The following MTMR3 variants were observed in gnomAD, a reference collection of about 807,000 sequenced individuals.
MTMR3 encodes the protein phosphatidylinositol-3,5-bisphosphate 3-phosphatase MTMR3.
A neutral mutation model predicts 132.4 loss-of-function variants in MTMR3; 32 were observed. That is an observed-to-expected ratio of 0.24 (90% confidence interval 0.18 to 0.32). The LOEUF (loss-of-function observed/expected upper bound fraction) is 0.32, where lower values mean the gene tolerates loss of function less well. MTMR3 is among the 10% of genes least tolerant of loss of function. The pLI is 1.00. For missense variants in MTMR3, 1,216 were observed against 1,489.6 expected, an observed-to-expected ratio of 0.82 and a Z score of 3.02; for synonymous variants, 556 against 550.3, an observed-to-expected ratio of 1.01 and a Z score of -0.14.
chr22:30,008,044 G>C lies in MTMR3; in HGVS notation c.1009+12G>C, dbSNP rs1375548328. On this transcript the variant is annotated intron_variant, in intron 11 of 19. Coordinates refer to ENST00000401950, the MANE Select transcript of MTMR3 (RefSeq NM_021090.4). The stretch of plus-strand genomic sequence containing the variant: ...CTGCGAATGCCCAGGTGAGGTGTAT[G>C]GTGCTTTGTTCCCCATACTTTCTCC... 2.5e-6 allele frequency: 4 copies of C among 1,611,686 alleles called. No individual in the cohort carries two copies. Among genetic ancestry groups the C allele is most frequent in the Non-Finnish European group, 3.4e-6 (4 of 1,179,434 alleles).
chr22:29,944,469 T>C (rs910165140), intron 1 of MTMR3, among the ~76,000 whole-genome samples: 1 of 152,130 alleles, frequency 6.6e-6, no homozygotes, highest in African/African-American at 2.4e-5. Flanking sequence ...CTTTTACTTT[T>C]GTCTTTTCTT....
intron 1 of MTMR3, among the ~76,000 whole-genome samples, chr22:29,906,923 C>T (rs1306777864): frequency 6.6e-6 from 1 of 151,378 alleles, no homozygotes; most frequent in African/African-American, 2.4e-5. Context: ...ACTAAAAACA[C>T]AAAAATTAGC....
chr22:30,019,136 G>A (rs1005250668), intron 16 of MTMR3: 7 of 186,018 alleles, frequency 3.8e-5, no homozygotes, highest in Middle Eastern at 2.6e-3. Flanking sequence ...CCTGGGAGGC[G>A]GAGGTTGCAG....
At chr22:29,897,942 A>G (rs1188898785) in intron 1 of MTMR3, among the ~76,000 whole-genome samples, 1 of 152,182 alleles carries the variant, frequency 6.6e-6, no homozygotes, top group African/African-American at 2.4e-5. Flanking sequence ...CATACTTTCT[A>G]TAATTTGAAA....
chr22:29,960,615 C>T (rs930613403), intron 2 of MTMR3, among the ~76,000 whole-genome samples: 1 of 152,100 alleles, frequency 6.6e-6, no homozygotes, highest in Non-Finnish European at 1.5e-5. Context: ...TTATTACATG[C>T]CAGTAACTAT....
Position 30,007,031 on chromosome 22 carries a change from C to CA in MTMR3, c.672-82dup, listed in dbSNP as rs767964952. 2.8e-6 allele frequency: 4 copies of CA among 1,439,324 alleles called. No homozygotes were observed. The South Asian group carries it at 5.0e-5, about 18-fold the overall frequency. 89.2% of individuals were successfully genotyped at this position (1,439,324 alleles called of 1,614,324 possible). On this transcript the variant is annotated intron_variant, in intron 9 of 19. Coordinates refer to ENST00000401950, the MANE Select transcript of MTMR3 (RefSeq NM_021090.4). ...AACACTTACCTAGAATTAGACTGTT[C>CA]ATTAAGGCACTTAAAATCTATTTTG...
chr22:29,956,030 G>T (rs2066183329), intron 1 of MTMR3, among the ~76,000 whole-genome samples: 1 of 152,132 alleles, frequency 6.6e-6, no homozygotes, highest in Non-Finnish European at 1.5e-5. Context: ...GGGATTACAG[G>T]CATGAGCCAC....
chr22:29,902,406 G>GTTTTTT (rs534691732), intron 1 of MTMR3, among the ~76,000 whole-genome samples: 2 of 134,496 alleles, frequency 1.5e-5, no homozygotes, highest in Admixed American at 7.4e-5. Context: ...GGTTATGAAA[G>GTTTTTT]TTTTTTTTTT....
chr22:30,025,678 A>T lies in MTMR3; in HGVS notation c.3474A>T (p.Pro1158=). ...FCSSCCNQKV[P]VPSQQLFEPS... is the part of the protein sequence containing the mutation. ...CCAGTTGTTGTAACCAGAAGGTTCC[A>T]GTTCCCAGCCAGCAGCTCTTTGAAC... is the stretch of plus-strand genomic sequence containing the variant. The change falls in exon 20 of 20, where the codon CCA becomes CCT. Residue 1158 remains proline (P), a synonymous_variant. Transcript: ENST00000401950. 1 of 1,614,232 alleles carries T rather than the reference A, an allele frequency of 6.2e-7. No individual in the cohort carries two copies. The highest frequency in any genetic ancestry group is 8.5e-7 in the Non-Finnish European group (1 of 1,180,032).
chr22:29,988,655 T>C, intron 6 of MTMR3, 93 bp downstream of exon 6: 1 of 845,092 alleles, frequency 1.2e-6, no homozygotes, highest in Non-Finnish European at 1.8e-6. Context: ...AAAATACCTT[T>C]TGATGATTAG....
chr22:30,007,538 T>C (rs1475902949), intron 10 of MTMR3: 2 of 604,418 alleles, frequency 3.3e-6, no homozygotes, highest in East Asian at 5.8e-5. Context: ...TTGTTGTCTT[T>C]CTTGCCATTG....
intron 8 of MTMR3, chr22:30,002,668 T>G (rs1337343035): frequency 2.0e-6 from 1 of 490,724 alleles, no homozygotes; most frequent in Non-Finnish European, 3.7e-6. Flanking sequence ...AGTAAACATT[T>G]AAGGCAACAA....
In MTMR3 at chr22:30,012,482, C is replaced by T. The variant is rs749316729; in HGVS notation, c.1236C>T (p.His412=). ...VDQDQRPVLV[H]CSDGWDRTPQ... is the part of the protein sequence containing the mutation. ...AGGATCAGCGGCCGGTGCTAGTACA[C>T]TGCTCAGATGGCTGGGACCGCACCC... The change falls in exon 13 of 20, where the codon CAC becomes CAT. Residue 412 remains histidine, a synonymous_variant. Transcript: ENST00000401950. 6.2e-7 allele frequency: 1 copy of T among 1,614,068 alleles called. No homozygotes were observed. Among genetic ancestry groups the T allele is most frequent in the Non-Finnish European group, 8.5e-7 (1 of 1,180,040 alleles).
chr22:30,025,656 G>A lies in MTMR3; in HGVS notation c.3452G>A (p.Ser1151Asn), dbSNP rs1479119416. The A allele has an allele frequency of 1.2e-6, 2 of 1,614,136 alleles. No individual in the cohort carries two copies. Among genetic ancestry groups the A allele is most frequent in the East Asian group, 4.5e-5 (2 of 44,886 alleles). ...AATTGTGGGAACGTATTCTGCTCCA[G>A]TTGTTGTAACCAGAAGGTTCCAGTT... The part of the protein sequence containing the change: ...CRNCGNVFCS[S>N]CCNQKVPVPS... Residue 1151 changes from serine to asparagine, a missense_variant, in exon 20 of 20, where the codon AGT (serine) becomes AAT (asparagine). By Grantham distance (46) the Ser-to-Asn change is conservative (BLOSUM62 1). Coordinates refer to ENST00000401950, the MANE Select transcript of MTMR3 (RefSeq NM_021090.4).
Position 29,991,493 on chromosome 22 carries a change from C to A in MTMR3, c.294-11C>A. On this transcript the variant is annotated splice_polypyrimidine_tract_variant and intron_variant, in intron 6 of 19. Transcript: ENST00000401950. ...TCTGATTACATCCATACTTGTTTGG[C>A]TTTACAAAAGGTGTCAGTTTTCAAC... 6.2e-7 allele frequency: 1 copy of A among 1,600,290 alleles called. No homozygotes were observed. Among genetic ancestry groups the A allele is most frequent in the African/African-American group, 1.3e-5 (1 of 74,270 alleles).
chr22:29,954,209 G>GT (rs2066143645), intron 1 of MTMR3, among the ~76,000 whole-genome samples: 1 of 151,590 alleles, frequency 6.6e-6, no homozygotes, highest in Non-Finnish European at 1.5e-5. Flanking sequence ...AGCCTCCCGA[G>GT]TACCTGGGAC....
chr22:29,942,471 G>A (rs1203420927), intron 1 of MTMR3, among the ~76,000 whole-genome samples: 4 of 152,196 alleles, frequency 2.6e-5, no homozygotes, highest in Non-Finnish European at 5.9e-5. Flanking sequence ...ATCTTATCAG[G>A]AGACAGGGTT....
At chr22:29,964,916 T>C (rs1300598911) in intron 2 of MTMR3, among the ~76,000 whole-genome samples, 1 of 152,224 alleles carries the variant, frequency 6.6e-6, no homozygotes, top group East Asian at 1.9e-4. Context: ...GCCACTCTTC[T>C]TTCTGATTCG....
rs146232889 is a variant in MTMR3 at position 29,922,355 on chromosome 22, C to G, written c.-137-34681C>G. Among the ~76,000 whole-genome samples, 7 of 152,300 alleles carry G rather than the reference C, an allele frequency of 4.6e-5. No individual in the cohort carries two copies. The East Asian group carries it at 1.3e-3, about 29-fold the overall frequency. The stretch of plus-strand genomic sequence containing the variant: ...TTTTAAAGACTGAAAAATACTCCAT[C>G]GTGTGTAGACTCTACATTTTGTTTA... On this transcript the variant is annotated intron_variant, in intron 1 of 19. Coordinates refer to ENST00000401950, the MANE Select transcript of MTMR3 (RefSeq NM_021090.4).
Sources: gnomAD v4.1 joint callset for allele counts (sites outside exome capture counted in the v4.1 genomes callset) on GRCh38, gnomAD v4.1.1 for gene constraint, MANE v1.5 for transcripts, NCBI Gene and HGNC (gene_info 2026-07-23, HGNC 2026-07-21) for gene names.